ASTN2: variants seen among roughly 807,000 people sequenced by gnomAD.
ASTN2 encodes astrotactin 2.
Under a neutral mutation model 139.8 loss-of-function variants are expected in ASTN2, and 54 were observed. The observed-to-expected ratio is 0.39, with a 90% confidence interval of 0.31 to 0.48. The LOEUF is 0.48. Among genes scored for constraint, ASTN2 ranks in the 20% least tolerant of loss-of-function variants. ASTN2 has a pLI of 0.95. For missense variants in ASTN2, 1,565 were observed against 1,725.1 expected (o/e 0.91, Z 1.64); for synonymous variants, 756 against 719.5 (o/e 1.05, Z -0.81).
At chr9:116,484,768 T>A (rs1241867198) in intron 20 of ASTN2, among the ~76,000 whole-genome samples, 3 of 152,102 alleles carry the variant, frequency 2.0e-5, no homozygotes, top group African/African-American at 7.2e-5. Context: ...AGAAAGAATG[T>A]TCCATATTTT....
rs1454566338 is a variant in ASTN2 at position 116,699,823 on chromosome 9, T to C, written c.2806+25948A>G. The C allele has an allele frequency of 3.8e-6, 5 of 1,327,106 alleles. No individual in the cohort carries two copies. The highest frequency in any genetic ancestry group is 2.9e-5 in the African/African-American group (2 of 67,934). 82.2% of individuals were successfully genotyped at this position (1,327,106 alleles called of 1,614,324 possible). On this transcript the variant is annotated intron_variant, in intron 16 of 22. Coordinates refer to ENST00000313400, the MANE Select transcript of ASTN2 (RefSeq NM_001365068.1). The surrounding 1 kb of genome is among the most constrained non-coding windows in gnomAD (Gnocchi z 4.2). ...TATGTCCTGATTCCAGCTGGGTAGT[T>C]CTAGAACTTCAGAAGCTCCATCTTT...
In ASTN2 at chr9:116,573,013, G is replaced by GCACACACA. The variant is rs143295727; in HGVS notation, c.3355+45303_3355+45310dup. ...CATGCGTGCACACATGTGGGTACAT[G>GCACACACA]CACACACACACACACACACACATAT... On this transcript the variant is annotated intron_variant, in intron 19 of 22. Transcript: ENST00000313400. 8.4e-3 allele frequency among the ~76,000 whole-genome samples: 1,157 copies of GCACACACA among 136,952 alleles called. 11 individuals are homozygous for GCACACACA. The highest frequency in any genetic ancestry group is 0.03 in the African/African-American group (1,060 of 35,132). 89.8% of individuals were successfully genotyped at this position (136,952 alleles called of 152,430 possible). A position where few individuals can be genotyped will look rare whatever the true frequency, so the allele number is the denominator to read the frequency against.
intron 13 of ASTN2, among the ~76,000 whole-genome samples, chr9:116,772,101 G>A (rs1829966208): frequency 6.6e-6 from 1 of 152,204 alleles, no homozygotes; most frequent in African/African-American, 2.4e-5. Context: ...CAGCAGGACT[G>A]AAAAAGTTGA....
chr9:116,535,143 A>C (rs1008095788), intron 19 of ASTN2, among the ~76,000 whole-genome samples: 6 of 151,772 alleles, frequency 4.0e-5, no homozygotes, highest in Admixed American at 6.6e-5. Context: ...TTTGATCTTT[A>C]TTGGTTTAAA....
intron 4 of ASTN2, among the ~76,000 whole-genome samples, chr9:117,139,354 T>A (rs1174658723): frequency 1.3e-5 from 2 of 152,166 alleles, no homozygotes; most frequent in African/African-American, 4.8e-5. Context: ...GAAACTGAAG[T>A]TCAGGGAGAA....
chr9:116,796,802 A>G (rs10983351), intron 13 of ASTN2, among the ~76,000 whole-genome samples: 39,921 of 151,940 alleles, frequency 0.26, 5,582 homozygotes, highest in African/African-American at 0.35. Flanking sequence ...TTTCACTAAG[A>G]TATGTTAAAT....
At chr9:116,960,191 G>C (rs1303875518) in intron 10 of ASTN2, among the ~76,000 whole-genome samples, 1 of 152,096 alleles carries the variant, frequency 6.6e-6, no homozygotes, top group African/African-American at 2.4e-5. Flanking sequence ...AGCTGGGGTC[G>C]CTGGACCATC....
chr9:116,590,719 T>C (rs1193119825), intron 19 of ASTN2, among the ~76,000 whole-genome samples: 1 of 152,136 alleles, frequency 6.6e-6, no homozygotes, highest in Non-Finnish European at 1.5e-5. Context: ...CAAATCAGTA[T>C]ACAGTTCCTC....
chr9:116,980,505 T>C (rs1443836960), intron 7 of ASTN2, among the ~76,000 whole-genome samples: 2 of 152,174 alleles, frequency 1.3e-5, no homozygotes, highest in African/African-American at 4.8e-5. Flanking sequence ...ATATTAGACA[T>C]GTAGAGACAC....
chr9:116,542,126 ACTGT>A (rs1352315478), intron 19 of ASTN2, among the ~76,000 whole-genome samples: 3 of 152,296 alleles, frequency 2.0e-5, no homozygotes, highest in South Asian at 2.1e-4. Flanking sequence ...TATTTAAATG[ACTGT>A]CTTTTATTTC....
chr9:116,570,794 C>T (rs1209741152), intron 19 of ASTN2, among the ~76,000 whole-genome samples: 1 of 152,204 alleles, frequency 6.6e-6, no homozygotes, highest in Non-Finnish European at 1.5e-5. Context: ...ACTCAAAATC[C>T]TGTGATTCCA....
At chr9:116,834,590 A>G (rs1831926797) in intron 11 of ASTN2, among the ~76,000 whole-genome samples, 1 of 152,202 alleles carries the variant, frequency 6.6e-6, no homozygotes. Context: ...TGTTATTAAT[A>G]TAGCTACTCT....
At chr9:117,036,633 C>T (rs1322940331) in intron 6 of ASTN2, among the ~76,000 whole-genome samples, 2 of 152,186 alleles carry the variant, frequency 1.3e-5, no homozygotes, top group East Asian at 3.9e-4. Context: ...CAATCAGGAG[C>T]AGTTCTGAAA....
chr9:116,969,140 C>T (rs893925501), intron 10 of ASTN2, among the ~76,000 whole-genome samples: 1 of 152,124 alleles, frequency 6.6e-6, no homozygotes, highest in African/African-American at 2.4e-5. Flanking sequence ...ACTTAGAACA[C>T]TTTGTCTCTT....
At chr9:117,374,475 AT>A (rs1830069844) in intron 1 of ASTN2, among the ~76,000 whole-genome samples, 2 of 152,118 alleles carry the variant, frequency 1.3e-5, no homozygotes, top group Non-Finnish European at 2.9e-5. Flanking sequence ...AGATGACTTA[AT>A]CTGGACCACA....
chr9:116,910,247 G>A (rs573878909), intron 10 of ASTN2, among the ~76,000 whole-genome samples: 38 of 152,250 alleles, frequency 2.5e-4, no homozygotes, highest in Non-Finnish European at 3.8e-4. Context: ...ATGACAAATC[G>A]ACAGCACTTT....
chr9:116,988,477 T>C (rs1032078815), intron 7 of ASTN2, among the ~76,000 whole-genome samples: 2 of 152,210 alleles, frequency 1.3e-5, no homozygotes, highest in Admixed American at 6.5e-5. Context: ...ATGAAGTTTG[T>C]TAATCATGAC....
intron 6 of ASTN2, among the ~76,000 whole-genome samples, chr9:117,023,774 G>T (rs1322182581): frequency 6.6e-6 from 1 of 152,152 alleles, no homozygotes; most frequent in African/African-American, 2.4e-5. Flanking sequence ...ATGAATTCTA[G>T]CTGTTATTTT....
chr9:116,726,566 C>T (rs533299645), intron 15 of ASTN2, among the ~76,000 whole-genome samples: 10 of 152,318 alleles, frequency 6.6e-5, no homozygotes, highest in Non-Finnish European at 1.2e-4. Flanking sequence ...AGCATGTATT[C>T]TGAGTCCATG....
Sources: gnomAD v4.1 joint callset for allele counts (sites outside exome capture counted in the v4.1 genomes callset) on GRCh38, gnomAD v4.1.1 for gene constraint, Gnocchi (gnomAD v3.1) non-coding constraint, MANE v1.5 for transcripts, NCBI Gene and HGNC (gene_info 2026-07-23, HGNC 2026-07-21) for gene names.